CLEC16A: variants seen among roughly 807,000 people sequenced by gnomAD.
CLEC16A encodes the protein C-type lectin domain containing 16A.
CLEC16A carries 51 observed loss-of-function variants against 109.5 expected under a neutral mutation model. The ratio of observed to expected loss-of-function variants is 0.47; its 90% CI spans 0.37 to 0.59. The LOEUF (loss-of-function observed/expected upper bound fraction) is 0.59, where lower values mean the gene tolerates loss of function less well. Ranked by LOEUF, CLEC16A falls within the 20% of genes least tolerant of loss-of-function variation. The probability of loss-of-function intolerance (pLI) is 0.00; values close to 1 mark genes in which losing one functional copy is unlikely to be tolerated. For missense variants in CLEC16A, 1,339 were observed against 1,394.0 expected (o/e 0.96, Z 0.63); for synonymous variants, 673 against 564.2 (o/e 1.19, Z -2.73).
intron 19 of CLEC16A, among the ~76,000 whole-genome samples, chr16:11,088,218 A>G (rs1244311732): frequency 6.6e-5 from 10 of 152,164 alleles, no homozygotes; most frequent in Admixed American, 6.5e-4. Flanking sequence ...ATCCTCCTGC[A>G]CTTCTGCAGC....
chr16:10,981,810 CAG>C lies in CLEC16A; in HGVS notation c.958-1067_958-1066del. Among the ~76,000 whole-genome samples the C allele has an allele frequency of 1.3e-5, 2 of 152,212 alleles. 1 individual carries two copies. The highest frequency in any genetic ancestry group is 3.9e-4 in the East Asian group (2 of 5,192). On this transcript the variant is annotated intron_variant, in intron 9 of 23. Transcript: ENST00000409790. ...CGTATGTCCTAACAGAGACATCTGT[CAG>C]GGGTTCTTAACTAGGGGCAATTTTG...
At chr16:11,071,821 C>T (rs375871017) in intron 19 of CLEC16A, among the ~76,000 whole-genome samples, 13 of 149,244 alleles carry the variant, frequency 8.7e-5, no homozygotes, top group Admixed American at 2.7e-4. Flanking sequence ...GTCTTGAACC[C>T]CTGGGCTCAA....
At chr16:11,121,840 A>G (rs539900883) in intron 20 of CLEC16A, among the ~76,000 whole-genome samples, 3 of 139,240 alleles carry the variant, frequency 2.2e-5, no homozygotes, top group African/African-American at 8.1e-5. Flanking sequence ...AGATCGTGCC[A>G]CTGCACTCCA....
intron 10 of CLEC16A, among the ~76,000 whole-genome samples, chr16:11,001,175 T>G (rs1158991522): frequency 1.3e-5 from 2 of 152,214 alleles, no homozygotes; most frequent in African/African-American, 4.8e-5. Flanking sequence ...GCGCTCTGCC[T>G]CCTTGGCTCG....
At chr16:10,988,103 T>TG (rs2043779871) in intron 10 of CLEC16A, among the ~76,000 whole-genome samples, 1 of 152,228 alleles carries the variant, frequency 6.6e-6, no homozygotes, top group African/African-American at 2.4e-5. Flanking sequence ...GTTTCTTGTG[T>TG]GGGGAAATCG....
intron 11 of CLEC16A, among the ~76,000 whole-genome samples, chr16:11,018,925 G>C (rs1276580435): frequency 6.6e-6 from 1 of 152,098 alleles, no homozygotes; most frequent in Non-Finnish European, 1.5e-5. Context: ...GTAGGCACTG[G>C]GAGTTTTGAA....
At chr16:10,946,015 A>C (rs2041346614) in intron 1 of CLEC16A, among the ~76,000 whole-genome samples, 1 of 152,176 alleles carries the variant, frequency 6.6e-6, no homozygotes, top group Non-Finnish European at 1.5e-5. Context: ...GATGAAGAGC[A>C]TGCAGGCCAG....
chr16:11,154,341 G>T (rs2054419307), intron 22 of CLEC16A, among the ~76,000 whole-genome samples: 1 of 152,178 alleles, frequency 6.6e-6, no homozygotes, highest in Admixed American at 6.5e-5. Flanking sequence ...TCAAAGAAAT[G>T]CAAATAGAAT....
chr16:11,100,064 C>G lies in CLEC16A; in HGVS notation c.2117-20551C>G, dbSNP rs541007192. On this transcript the variant is annotated intron_variant, in intron 19 of 23. Coordinates refer to ENST00000409790, the MANE Select transcript of CLEC16A (RefSeq NM_015226.3). ...GCTCTGCCTATGACACACTTATTTA[C>G]TATTGGACAGCCTGACTAGCTCTTT... 3.3e-5 allele frequency among the ~76,000 whole-genome samples: 5 copies of G among 152,284 alleles called. No homozygotes were observed. In the South Asian group the frequency reaches 1.0e-3, roughly 32 times the overall value.
intron 19 of CLEC16A, among the ~76,000 whole-genome samples, chr16:11,095,628 A>G (rs1321543269): frequency 3.3e-5 from 5 of 152,134 alleles, no homozygotes; most frequent in African/African-American, 9.7e-5. Flanking sequence ...CCTGGCCAAC[A>G]TGGTAAAACC....
chr16:10,964,661 C>A (rs903887377), intron 3 of CLEC16A, among the ~76,000 whole-genome samples: 1 of 152,164 alleles, frequency 6.6e-6, no homozygotes, highest in Non-Finnish European at 1.5e-5. Context: ...CAGCTAGGCA[C>A]GGGGTGACTG....
chr16:11,029,932 G>T (rs2867168), intron 13 of CLEC16A, among the ~76,000 whole-genome samples: 73,907 of 151,890 alleles, frequency 0.49, 19,255 homozygotes, highest in African/African-American at 0.68. Context: ...TTCCTGTCAT[G>T]CTAGATTAGT....
At chr16:10,975,955 A>T (rs1195055084) in intron 7 of CLEC16A, among the ~76,000 whole-genome samples, 1 of 152,078 alleles carries the variant, frequency 6.6e-6, no homozygotes, top group African/African-American at 2.4e-5. Flanking sequence ...CCCAGCTGAA[A>T]TATCTTGTTG....
intron 23 of CLEC16A, among the ~76,000 whole-genome samples, chr16:11,168,303 G>A (rs989246497): frequency 6.6e-6 from 1 of 152,078 alleles, no homozygotes; most frequent in Non-Finnish European, 1.5e-5. Context: ...TGGTACCAGC[G>A]TAATGTCTTC....
At chr16:11,177,451 T>G (rs942870877) in intron 23 of CLEC16A, among the ~76,000 whole-genome samples, 1 of 151,922 alleles carries the variant, frequency 6.6e-6, no homozygotes, top group African/African-American at 2.4e-5. Context: ...AATACAAAAA[T>G]TAGCCGGATG....
chr16:10,971,324 C>G, intron 5 of CLEC16A, 94 bp downstream of exon 5: 1 of 950,450 alleles, frequency 1.1e-6, no homozygotes, highest in Non-Finnish European at 1.6e-6. Context: ...CCGATTGTCA[C>G]GAGGGAGCAC....
At chr16:10,951,685 G>T (rs1277087817) in intron 1 of CLEC16A, among the ~76,000 whole-genome samples, 1 of 152,212 alleles carries the variant, frequency 6.6e-6, no homozygotes, top group Non-Finnish European at 1.5e-5. Context: ...TTTTACTGAG[G>T]TACATACATA....
intron 11 of CLEC16A, among the ~76,000 whole-genome samples, chr16:11,017,399 A>G (rs376285910): frequency 6.6e-6 from 1 of 152,206 alleles, no homozygotes; most frequent in Non-Finnish European, 1.5e-5. Flanking sequence ...CCAAGTCACA[A>G]TGAATGCTAT....
At chr16:10,987,225 G>A (rs7197758) in intron 10 of CLEC16A, among the ~76,000 whole-genome samples, 48,999 of 151,786 alleles carry the variant, frequency 0.32, 8,307 homozygotes, top group South Asian at 0.46. Context: ...AGTTGTAACA[G>A]ATAATACAGA....
Sources: allele counts gnomAD v4.1 joint callset (sites outside exome capture counted in the v4.1 genomes callset), GRCh38; gene constraint gnomAD v4.1.1; transcripts MANE v1.5; gene names NCBI Gene and HGNC (gene_info 2026-07-23, HGNC 2026-07-21).